ADGRG2: variants seen among roughly 807,000 people sequenced by gnomAD.
The protein encoded by ADGRG2 is G protein-coupled receptor 64.
Under a neutral mutation model 74.1 loss-of-function variants are expected in ADGRG2, and 26 were observed. The ratio of observed to expected loss-of-function variants is 0.35; its 90% CI spans 0.26 to 0.49. The LOEUF (loss-of-function observed/expected upper bound fraction) is 0.49. ADGRG2 is among the 20% of genes least tolerant of loss of function. ADGRG2 has a pLI of 0.99. For missense variants in ADGRG2, 619 were observed against 763.1 expected (o/e 0.81, Z 2.22); for synonymous variants, 296 against 295.2 (o/e 1.00, Z -0.03).
chrX:18,991,885 C>T (rs1159034116), intron 28 of ADGRG2, among the ~76,000 whole-genome samples: 1 of 112,127 alleles, frequency 8.9e-6, no homozygotes, highest in Admixed American at 9.4e-5. Context: ...AGTACTGGGA[C>T]ACTTTATTAT....
chrX:19,053,821 C>T (rs2061367379), intron 3 of ADGRG2, among the ~76,000 whole-genome samples: 1 of 111,417 alleles, frequency 9.0e-6, no homozygotes, highest in Admixed American at 9.6e-5. Context: ...CTGGGGAGGC[C>T]TCACAATCAT....
intron 6 of ADGRG2, among the ~76,000 whole-genome samples, chrX:19,036,799 T>C (rs1049462133): frequency 1.8e-5 from 2 of 111,667 alleles, no homozygotes; most frequent in Non-Finnish European, 3.8e-5. Flanking sequence ...ATAAGCTGCA[T>C]CTATGATTGT....
chrX:19,047,606 G>A (rs1398442569), intron 3 of ADGRG2, among the ~76,000 whole-genome samples: 1 of 112,006 alleles, frequency 8.9e-6, no homozygotes, highest in African/African-American at 3.2e-5. Flanking sequence ...AGCTCTCCTT[G>A]CATGAATATT....
At chrX:19,041,456 A>G (rs1158512620) in intron 3 of ADGRG2, among the ~76,000 whole-genome samples, 3 of 112,107 alleles carry the variant, frequency 2.7e-5, no homozygotes, top group African/African-American at 9.7e-5. Flanking sequence ...TTACAAAGGG[A>G]TATTTTTACA....
At chrX:19,009,875 A>G (rs2060317454) in intron 17 of ADGRG2, 93 bp from the exon 18 acceptor site, 1 of 682,296 alleles carries the variant, frequency 1.5e-6, no homozygotes, top group Non-Finnish European at 2.2e-6. Flanking sequence ...CAGTGGCGTG[A>G]TCTCGGCTCA....
intron 14 of ADGRG2, among the ~76,000 whole-genome samples, chrX:19,020,711 C>T (rs1453276323): frequency 9.0e-6 from 1 of 111,605 alleles, no homozygotes; most frequent in East Asian, 2.8e-4. Context: ...TCATGATCCC[C>T]AGCACTTTGG....
At chrX:19,052,013 G>A (rs1178861833) in intron 3 of ADGRG2, among the ~76,000 whole-genome samples, 1 of 112,271 alleles carries the variant, frequency 8.9e-6, no homozygotes, top group Non-Finnish European at 1.9e-5. Context: ...AACTGAGTCT[G>A]AGCTAAAGAG....
intron 1 of ADGRG2, among the ~76,000 whole-genome samples, chrX:19,109,598 G>A (rs2062377020): frequency 9.0e-6 from 1 of 111,687 alleles, no homozygotes; most frequent in African/African-American, 3.3e-5. Context: ...CTTATCACTT[G>A]TGTTATACCA....
chrX:19,036,847 T>C (rs2060952319), intron 6 of ADGRG2, among the ~76,000 whole-genome samples: 1 of 111,380 alleles, frequency 9.0e-6, no homozygotes, highest in Non-Finnish European at 1.9e-5. Context: ...TGAGATTTGA[T>C]TTTAACCAAG....
chrX:19,095,535 C>T (rs1012140982), intron 1 of ADGRG2, among the ~76,000 whole-genome samples: 3 of 111,993 alleles, frequency 2.7e-5, no homozygotes, highest in African/African-American at 3.2e-5. Context: ...TGACCTTGAC[C>T]TACAATCCAC....
At chrX:18,994,357 C>T (rs1038969934) in intron 28 of ADGRG2, among the ~76,000 whole-genome samples, 3 of 110,365 alleles carry the variant, frequency 2.7e-5, no homozygotes, top group Non-Finnish European at 3.8e-5. Flanking sequence ...GGCATCGTGG[C>T]GGTCACCTGT....
In ADGRG2 at chrX:19,003,070, C is replaced by G. The variant is rs776018117; in HGVS notation, c.2006G>C (p.Cys669Ser). 1.7e-6 allele frequency: 2 copies of G among 1,200,816 alleles called. No individual in the cohort carries two copies. Among genetic ancestry groups the G allele is most frequent in the African/African-American group, 3.5e-5 (2 of 56,940 alleles). The change falls in exon 24 of 29, where the codon TGT becomes TCT. Residue 669 changes from cysteine (C) to serine (S), a missense_variant. Around this residue, in one of 3 missense-constraint regions of ADGRG2, gnomAD observed 221 missense variants for 340.6 expected, o/e 0.65. Transcript: ENST00000379869. The stretch of plus-strand genomic sequence containing the variant: ...CAGGTTCAGCAGAAGCAGAGCAGCA[C>G]ACAGCTGGATGAGGATTTTGGAAGG... ...DYPSKILIQL[C>S]AALLLLNLVF...
chrX:19,009,599 T>C (rs1441268980), intron 18 of ADGRG2, 27 bp downstream of exon 18: 1 of 1,182,938 alleles, frequency 8.5e-7, no homozygotes, highest in Middle Eastern at 2.3e-4. Flanking sequence ...AAGAGAATGT[T>C]TTTTTCTGCC....
chrX:19,081,982 AG>A (rs780025077), intron 2 of ADGRG2, among the ~76,000 whole-genome samples: 1 of 99,909 alleles, frequency 1.0e-5, no homozygotes, highest in African/African-American at 3.7e-5. Context: ...CTGAGGTGGG[AG>A]GATCACTTGA....
intron 2 of ADGRG2, among the ~76,000 whole-genome samples, chrX:19,077,735 A>G (rs1425646773): frequency 8.9e-6 from 1 of 111,992 alleles, no homozygotes; most frequent in African/African-American, 3.2e-5. Context: ...TAATGTGTTT[A>G]TACTAATATC....
chrX:18,994,155 G>A (rs924150328), intron 28 of ADGRG2, among the ~76,000 whole-genome samples: 3 of 111,906 alleles, frequency 2.7e-5, no homozygotes, highest in African/African-American at 9.7e-5. Flanking sequence ...GCCACATTGT[G>A]GGAAAGAATT....
At chrX:19,018,943 T>C (rs889293313) in intron 15 of ADGRG2, among the ~76,000 whole-genome samples, 18 of 111,609 alleles carry the variant, frequency 1.6e-4, no homozygotes, top group African/African-American at 3.9e-4. Flanking sequence ...CCCAGGTTCA[T>C]GCCATTCTCC....
Position 19,065,716 on chromosome X carries a change from G to A in ADGRG2, c.118+3001C>T, listed in dbSNP as rs185619057. Among the ~76,000 whole-genome samples the A allele has an allele frequency of 3.4e-3, 380 of 111,806 alleles. 2 individuals are homozygous for A. The highest frequency in any genetic ancestry group is 8.9e-3 in the South Asian group (24 of 2,683). ...AGATCTAGCATCTAATCTGGACTCC[G>A]CCACTTCCTAACCAATAACCTCCCT... On this transcript the variant is annotated intron_variant, in intron 3 of 28. Coordinates refer to ENST00000379869, the MANE Select transcript of ADGRG2 (RefSeq NM_001079858.3).
intron 2 of ADGRG2, among the ~76,000 whole-genome samples, chrX:19,082,072 C>CAAAAAA (rs57534658): frequency 9.0e-4 from 19 of 21,099 alleles, no homozygotes; most frequent in African/African-American, 1.4e-3. Flanking sequence ...GACCCTGTCT[C>CAAAAAA]AAAAAAAAAA....
Sources: gnomAD v4.1 joint callset for allele counts (sites outside exome capture counted in the v4.1 genomes callset) on GRCh38, gnomAD v4.1.1 for gene constraint, gnomAD v4.1.1 regional missense constraint, MANE v1.5 for transcripts, NCBI Gene and HGNC (gene_info 2026-07-23, HGNC 2026-07-21) for gene names.